CYLD: variants seen among roughly 807,000 people sequenced by gnomAD.
CYLD encodes the protein ubiquitin carboxyl-terminal hydrolase CYLD.
In CYLD, 26 loss-of-function variants were observed where a neutral mutation model predicts 104.5. That is an observed-to-expected ratio of 0.25 (90% CI 0.18 to 0.35). CYLD has a LOEUF of 0.35. CYLD is among the 10% of genes least tolerant of loss of function. The pLI, the probability that CYLD is intolerant of heterozygous loss-of-function variation, is 1.00. For missense variants in CYLD, 703 were observed against 1,136.1 expected (o/e 0.62, Z 5.48); for synonymous variants, 385 against 399.9 (o/e 0.96, Z 0.45).
intron 5 of CYLD, among the ~76,000 whole-genome samples, chr16:50,754,956 T>C (rs1418422996): frequency 2.7e-5 from 4 of 146,326 alleles, no homozygotes; most frequent in Admixed American, 1.4e-4. Flanking sequence ...CACACATATA[T>C]ACATATACAC....
chr16:50,796,417 A>G lies in CYLD; in HGVS notation c.2780A>G (p.Asp927Gly). The change falls in exon 19 of 19, where the codon GAC becomes GGC. Residue 927 changes from aspartate (D) to glycine (G), a missense_variant. Transcript: ENST00000427738. ...TCTCTGGAAGACCTGCATTCCTTGGACTCCAGGAGAATCCAAGGCTGTGCA... is the reference window on the plus strand; with the variant it reads ...TCTCTGGAAGACCTGCATTCCTTGGGCTCCAGGAGAATCCAAGGCTGTGCA... ...KMSLEDLHSLDSRRIQGCARR... is the reference protein window; with the variant it reads ...KMSLEDLHSLGSRRIQGCARR... 3 of 1,613,990 alleles carry G rather than the reference A, an allele frequency of 1.9e-6. No individual in the cohort carries two copies. The highest frequency in any genetic ancestry group is 2.5e-6 in the Non-Finnish European group (3 of 1,179,988).
At chr16:50,769,828 A>T (rs1304326411) in intron 5 of CYLD, among the ~76,000 whole-genome samples, 2 of 152,156 alleles carry the variant, frequency 1.3e-5, no homozygotes, top group African/African-American at 4.8e-5. Flanking sequence ...TTAACCTCTG[A>T]CAACCACTCA....
At position 50,794,616 on chromosome 16, in the gene CYLD, T is replaced by A; in HGVS notation, c.2686+188T>A. 1.7e-6 allele frequency: 1 copy of A among 599,326 alleles called. No individual in the cohort carries two copies. 37.1% of individuals were successfully genotyped at this position (599,326 alleles called of 1,614,324 possible). On this transcript the variant is annotated intron_variant, in intron 18 of 18. Transcript: ENST00000427738. The surrounding 1 kb of genome is among the most constrained non-coding windows in gnomAD (Gnocchi z 4.1). ...CTAGCTGAACTAAGGAATAATATGC[T>A]GTGTTTTTTTTTTTCCTTTTTTGAG...
chr16:50,783,978 T>G (rs1970551492), intron 11 of CYLD: 1 of 310,932 alleles, frequency 3.2e-6, no homozygotes, highest in African/African-American at 2.2e-5. Context: ...CTGTCCTCTG[T>G]TGTCTGTTTG....
rs759998669 is a variant in CYLD, at chr16:50,779,797, C to A, written c.1271C>A (p.Thr424Asn). ...NRFHSLPFSLTKMPNTNGSIG... is the reference protein window; with the variant it reads ...NRFHSLPFSLNKMPNTNGSIG... ...TTCCACTCTTTACCATTCAGTCTCA[C>A]CAAGATGCCCAATACCAATGGAAGT... Residue 424 changes from threonine (T) to asparagine (N), a missense_variant, in exon 9 of 19, where the codon ACC becomes AAC. Thr to Asn is a moderately conservative substitution (Grantham distance 65). Coordinates refer to ENST00000427738, the MANE Select transcript of CYLD (RefSeq NM_001378743.1). The A allele has an allele frequency of 1.9e-6, 3 of 1,613,828 alleles. No homozygotes were observed. Among genetic ancestry groups the A allele is most frequent in the Non-Finnish European group, 2.5e-6 (3 of 1,179,992 alleles).
At chr16:50,774,417 A>T (rs1422339908) in intron 5 of CYLD, among the ~76,000 whole-genome samples, 1 of 152,226 alleles carries the variant, frequency 6.6e-6, no homozygotes, top group Non-Finnish European at 1.5e-5. Flanking sequence ...CTCTACATTC[A>T]TGCCTCTGAT....
chr16:50,786,327 A>T (rs1970812933), intron 12 of CYLD: 1 of 152,872 alleles, frequency 6.5e-6, no homozygotes, highest in Non-Finnish European at 1.5e-5. Flanking sequence ...TATGACAGTT[A>T]CTTGTAGAGC....
In CYLD at chr16:50,801,433, C is replaced by T. The variant is rs1373085448; in HGVS notation, c.*4925C>T. 4.3e-6 allele frequency: 1 copy of T among 233,702 alleles called. No individual in the cohort carries two copies. Among genetic ancestry groups the T allele is most frequent in the Non-Finnish European group, 8.5e-6 (1 of 118,058 alleles). The allele number at this position is 233,702 out of a possible 1,614,324, so 14.5% of individuals were successfully genotyped here. ...GAAGGGCCACAAATGGAGGGATTGT[C>T]CTTTCAAGCACCACAGCTTCAGATA... On this transcript the variant is annotated 3_prime_UTR_variant, in exon 19 of 19. Transcript: ENST00000427738.
In CYLD at chr16:50,794,612, A is replaced by T; in HGVS notation, c.2686+184A>T. ...CTTGCTAGCTGAACTAAGGAATAAT[A>T]TGCTGTGTTTTTTTTTTTCCTTTTT... On this transcript the variant is annotated intron_variant, in intron 18 of 18. Transcript: ENST00000427738. The surrounding 1 kb of genome is among the most constrained non-coding windows in gnomAD (Gnocchi z 4.1). The T allele has an allele frequency of 1.6e-6, 1 of 633,090 alleles. No individual in the cohort carries two copies. The highest frequency in any genetic ancestry group is 1.7e-5 in the South Asian group (1 of 57,656). The allele number at this position is 633,090 out of a possible 1,614,324, so 39.2% of individuals were successfully genotyped here.
intron 11 of CYLD, 139 bp downstream of exon 11, chr16:50,782,605 G>A: frequency 1.2e-6 from 1 of 864,468 alleles, no homozygotes. Context: ...GATGACTGTG[G>A]GTCAGGATTG....
chr16:50,784,773 G>T, intron 12 of CYLD: 3 of 281,544 alleles, frequency 1.1e-5, no homozygotes, highest in South Asian at 3.6e-5. Context: ...TTTTGAAATA[G>T]TTTATTCCAA....
intron 4 of CYLD, among the ~76,000 whole-genome samples, chr16:50,752,232 T>C (rs1596974070): frequency 1.3e-5 from 2 of 150,906 alleles, no homozygotes; most frequent in Non-Finnish European, 3.0e-5. Context: ...TCTCTATCTT[T>C]AAATTTGCCT....
Position 50,754,345 on chromosome 16 carries a change from A to G in CYLD, c.834A>G (p.Gly278=). The change falls in exon 5 of 19, where the codon GGA becomes GGG. Residue 278 remains glycine, a synonymous_variant. Coordinates refer to ENST00000427738, the MANE Select transcript of CYLD (RefSeq NM_001378743.1). The part of the protein sequence containing the change: ...DMDNPIGNWD[G]RFDGVQLCSF... ...ATAACCCTATTGGCAACTGGGATGG[A>G]AGATTTGATGGAGTGCAGCTTTGTA... The G allele has an allele frequency of 6.2e-7, 1 of 1,613,218 alleles. No individual in the cohort carries two copies.
chr16:50,786,998 TGTC>T, intron 13 of CYLD, 52 bp downstream of exon 13: 1 of 1,401,526 alleles, frequency 7.1e-7, no homozygotes, highest in Non-Finnish European at 1.0e-6. Context: ...CATATTCACA[TGTC>T]AAAGTATTAG....
intron 18 of CYLD, chr16:50,795,453 C>T (rs1429086966): frequency 1.5e-6 from 1 of 684,120 alleles, no homozygotes; most frequent in Non-Finnish European, 2.7e-6. Flanking sequence ...CCTGCCTCTA[C>T]CTATAAGGAG....
chr16:50,744,579 T>G (rs1349220828), intron 2 of CYLD, among the ~76,000 whole-genome samples: 3 of 152,226 alleles, frequency 2.0e-5, no homozygotes, highest in Non-Finnish European at 4.4e-5. Context: ...TGCAAAAAGC[T>G]CTTGAATTGG....
chr16:50,787,174 A>G (rs1342853001), intron 13 of CYLD: 1 of 528,402 alleles, frequency 1.9e-6, no homozygotes, highest in East Asian at 3.4e-5. Context: ...TGGTTCTAGT[A>G]TATTAAATGC....
chr16:50,792,125 C>T (rs547782538), intron 15 of CYLD, among the ~76,000 whole-genome samples: 5 of 151,868 alleles, frequency 3.3e-5, no homozygotes, highest in African/African-American at 7.2e-5. Context: ...TTTTATTGTC[C>T]AAGAATCTCA....
At chr16:50,795,806 T>C in intron 18 of CYLD, 1 of 558,078 alleles carries the variant, frequency 1.8e-6, no homozygotes, top group Non-Finnish European at 3.2e-6. Context: ...AGAGGAGCCT[T>C]TCCTGGAATC....
Sources: gnomAD v4.1 joint callset for allele counts (sites outside exome capture counted in the v4.1 genomes callset) on GRCh38, gnomAD v4.1.1 for gene constraint, Gnocchi (gnomAD v3.1) non-coding constraint, MANE v1.5 for transcripts, NCBI Gene and HGNC (gene_info 2026-07-23, HGNC 2026-07-21) for gene names.